The following PHC3 variants were observed in gnomAD, a reference collection of about 807,000 sequenced individuals.
PHC3 encodes polyhomeotic-like protein 3.
PHC3 carries 13 observed loss-of-function variants against 107.4 expected under a neutral mutation model. The ratio of observed to expected loss-of-function variants is 0.12; its 90% CI spans 0.08 to 0.19. The LOEUF is 0.19. Ranked by LOEUF, PHC3 falls within the 10% of genes least tolerant of loss-of-function variation. The pLI is 1.00. For synonymous variants in PHC3, 456 were observed against 427.4 expected (o/e 1.07, Z -0.83); for missense variants, 992 against 1,210.9 (o/e 0.82, Z 2.68).
rs1400477001 is a variant in PHC3 at position 170,087,637 on chromosome 3, A to T, written c.*9593T>A. The T allele has an allele frequency of 6.6e-6, 1 of 152,182 alleles. No individual in the cohort carries two copies. The highest frequency in any genetic ancestry group is 1.5e-5 in the Non-Finnish European group (1 of 68,010). The allele number at this position is 152,182 out of a possible 1,614,324, so 9.4% of individuals were successfully genotyped here. A position where few individuals can be genotyped will look rare whatever the true frequency, so the allele number is the denominator to read the frequency against. On this transcript the variant is annotated 3_prime_UTR_variant, in exon 15 of 15. Transcript: ENST00000495893. Reference sequence around the variant, plus strand: ...GAAATGAACTTACAACTGATCTACAATATATTATTGTAATATAAACAATAT... The same window carrying T: ...GAAATGAACTTACAACTGATCTACATTATATTATTGTAATATAAACAATAT...
In PHC3 at chr3:170,150,862, CTTTTT is replaced by C. The variant is rs749222264; in HGVS notation, c.415-1623_415-1619del. 2.6e-5 allele frequency among the ~76,000 whole-genome samples: 4 copies of C among 151,924 alleles called. No homozygotes were observed. The South Asian group carries it at 8.3e-4, about 32-fold the overall frequency. On this transcript the variant is annotated intron_variant, in intron 4 of 14. Coordinates refer to ENST00000495893, the MANE Select transcript of PHC3 (RefSeq NM_024947.4). ...TAATAGGGAAAAGAAAAAGCATACT[CTTTTT>C]TTTATCTTTCTAATTTTAGACCACA...
At chr3:170,129,706 T>A (rs537857375) in intron 7 of PHC3, among the ~76,000 whole-genome samples, 154 bp from the exon 8 acceptor site, 97 of 148,280 alleles carry the variant, frequency 6.5e-4, no homozygotes, top group Non-Finnish European at 1.2e-3. Context: ...AAAAAAAAAA[T>A]TTTTTTTTTT....
rs770768953 is a variant in PHC3, at chr3:170,106,851, T to C, written c.2449A>G (p.Thr817Ala). 1.9e-6 allele frequency: 3 copies of C among 1,611,828 alleles called. No individual in the cohort carries two copies. Among genetic ancestry groups the C allele is most frequent in the Non-Finnish European group, 2.5e-6 (3 of 1,179,180 alleles). Residue 817 changes from threonine (T) to alanine (A), a missense_variant, in exon 12 of 15, where the codon ACT becomes GCT. By Grantham distance (58) the Thr-to-Ala change is moderately conservative. Transcript: ENST00000495893. ...AAATACCTTTTGGCACATGACATAG[T>C]GCAGAATCGTTTTGACCGCAAAAAT... ...NEFLRSKRFC[T>A]MSCAKRYNVS...
chr3:170,150,391 A>G (rs1378633549), intron 4 of PHC3, among the ~76,000 whole-genome samples: 1 of 152,114 alleles, frequency 6.6e-6, no homozygotes, highest in Non-Finnish European at 1.5e-5. Context: ...AACTTCTGTT[A>G]AAGAATAAAC....
chr3:170,155,878 T>TAA (rs932056766), intron 4 of PHC3, among the ~76,000 whole-genome samples: 2 of 152,202 alleles, frequency 1.3e-5, no homozygotes, highest in African/African-American at 4.8e-5. Flanking sequence ...TGTATATATA[T>TAA]AATGCCTTCT....
chr3:170,178,839 A>AGTGGTGATG lies in PHC3; in HGVS notation c.105_113dup (p.Ile36_Thr38dup), dbSNP rs1398836040. 6.2e-7 allele frequency: 1 copy of AGTGGTGATG among 1,613,872 alleles called. No individual in the cohort carries two copies. The highest frequency in any genetic ancestry group is 1.3e-5 in the African/African-American group (1 of 74,920). On this transcript the variant is annotated inframe_insertion, in exon 2 of 15. Coordinates refer to ENST00000495893, the MANE Select transcript of PHC3 (RefSeq NM_024947.4). ...GTGGCTGCTGCATTCGAGAGGAGGA[A>AGTGGTGATG]GTGGTGATGGTGGTGGTGGTGGTAC...
At chr3:170,169,742 A>G (rs62295784) in intron 4 of PHC3, 38 of 152,248 alleles carry the variant, frequency 2.5e-4, no homozygotes, top group African/African-American at 8.4e-4. Context: ...ATACCTTTTA[A>G]TAACATGAAG....
In PHC3 at chr3:170,167,912, C is replaced by T. The variant is rs60944873; in HGVS notation, c.414+3461G>A. ...ATGCCTATACCACATAATCCCAGCA[C>T]TTTGTGACCTGTGGTTGGAGGATCA... is the stretch of plus-strand genomic sequence containing the variant. On this transcript the variant is annotated intron_variant, in intron 4 of 14. Transcript: ENST00000495893. Among the ~76,000 whole-genome samples, 1,215 of 152,156 alleles carry T rather than the reference C, an allele frequency of 8.0e-3. 15 individuals carry two copies. Among genetic ancestry groups the T allele is most frequent in the African/African-American group, 0.027 (1,118 of 41,488 alleles).
intron 9 of PHC3, among the ~76,000 whole-genome samples, chr3:170,118,485 C>T (rs1577036888): frequency 6.6e-6 from 1 of 152,208 alleles, no homozygotes; most frequent in Non-Finnish European, 1.5e-5. Context: ...GATCTCGGCT[C>T]ACTGCAAGCT....
intron 2 of PHC3, among the ~76,000 whole-genome samples, chr3:170,175,908 G>A (rs146097037): frequency 0.019 from 2,492 of 127,848 alleles, 68 homozygotes; most frequent in African/African-American, 0.069. Flanking sequence ...TGGGCTACAG[G>A]GCAAGACTCA....
intron 8 of PHC3, chr3:170,128,366 G>A: frequency 5.3e-6 from 7 of 1,312,502 alleles, no homozygotes; most frequent in Non-Finnish European, 6.9e-6. Flanking sequence ...TTGTGCAGAT[G>A]ACACTGGTTC....
intron 4 of PHC3, among the ~76,000 whole-genome samples, chr3:170,161,596 C>T (rs1727903464): frequency 6.6e-6 from 1 of 152,214 alleles, no homozygotes; most frequent in Non-Finnish European, 1.5e-5. Flanking sequence ...TGCTTGCTCA[C>T]TCACCACTCT....
intron 4 of PHC3, among the ~76,000 whole-genome samples, chr3:170,168,014 G>A (rs1312877823): frequency 6.6e-6 from 1 of 151,910 alleles, no homozygotes; most frequent in Admixed American, 6.6e-5. Context: ...TTTTAAAAAT[G>A]AGCCAGGCAT....
chr3:170,119,036 T>TAAAAAAAAAAAAAAAAAAAAAAAAAA (rs1002478959), intron 9 of PHC3, among the ~76,000 whole-genome samples: 6 of 72,656 alleles, frequency 8.3e-5, no homozygotes, highest in Non-Finnish European at 1.8e-4. Context: ...TATAAAAAGC[T>TAAAAAAAAAAAAAAAAAAAAAAAAAA]AAAAAAAAAA....
intron 11 of PHC3, among the ~76,000 whole-genome samples, chr3:170,111,308 A>AC (rs879656403): frequency 0.035 from 4,950 of 143,164 alleles, 176 homozygotes; most frequent in East Asian, 0.059. Flanking sequence ...GAAGGAAGGA[A>AC]GGAAGGAAGG....
intron 12 of PHC3, among the ~76,000 whole-genome samples, chr3:170,105,223 T>A (rs775757597): frequency 4.6e-5 from 7 of 152,234 alleles, no homozygotes; most frequent in Non-Finnish European, 1.0e-4. Flanking sequence ...TTTAAATCAC[T>A]TAGAATCAGA....
At chr3:170,118,914 T>C (rs1257294628) in intron 9 of PHC3, among the ~76,000 whole-genome samples, 1 of 151,814 alleles carries the variant, frequency 6.6e-6, no homozygotes. Flanking sequence ...TAAGCCACCA[T>C]GCCCAGCCTT....
intron 3 of PHC3, 31 bp downstream of exon 3, chr3:170,172,526 T>C (rs374308124): frequency 1.3e-5 from 21 of 1,598,386 alleles, no homozygotes; most frequent in Middle Eastern, 1.8e-4. Flanking sequence ...AACAGAAACT[T>C]TGATCTCATA....
At chr3:170,157,014 C>A (rs933035436) in intron 4 of PHC3, among the ~76,000 whole-genome samples, 3 of 152,092 alleles carry the variant, frequency 2.0e-5, no homozygotes, top group Non-Finnish European at 2.9e-5. Flanking sequence ...CATAAAAAAC[C>A]TCACAGTCTC....
Sources: gnomAD v4.1 joint callset for allele counts (sites outside exome capture counted in the v4.1 genomes callset) on GRCh38, gnomAD v4.1.1 for gene constraint, MANE v1.5 for transcripts, NCBI Gene and HGNC (gene_info 2026-07-23, HGNC 2026-07-21) for gene names.